CRADD: variants seen among roughly 807,000 people sequenced by gnomAD.
The protein encoded by CRADD is death domain-containing protein CRADD.
A neutral mutation model predicts 15.5 loss-of-function variants in CRADD; 9 were observed. That is an observed-to-expected ratio of 0.58 (90% CI 0.35 to 1.01). CRADD has a LOEUF of 1.01. CRADD is among the 50% of genes least tolerant of loss of function. The pLI is 0.02. For missense variants in CRADD, 227 were observed against 250.3 expected, an observed-to-expected ratio of 0.91 and a Z score of 0.63; for synonymous variants, 118 against 107.6, an observed-to-expected ratio of 1.10 and a Z score of -0.60.
At chr12:93,810,786 A>G (rs1025542412) in intron 2 of CRADD, among the ~76,000 whole-genome samples, 1 of 152,054 alleles carries the variant, frequency 6.6e-6, no homozygotes, top group Non-Finnish European at 1.5e-5. Flanking sequence ...CCCTCCCAGC[A>G]CTATCACTGC....
At chr12:93,825,684 A>G (rs923743031) in intron 2 of CRADD, among the ~76,000 whole-genome samples, 2 of 152,208 alleles carry the variant, frequency 1.3e-5, no homozygotes, top group Non-Finnish European at 2.9e-5. Flanking sequence ...GGCTAAGCCT[A>G]GGAGAAGCAC....
chr12:93,831,974 G>A (rs7137590), intron 2 of CRADD, among the ~76,000 whole-genome samples: 2,996 of 152,276 alleles, frequency 0.02, 102 homozygotes, highest in African/African-American at 0.069. Context: ...GGGTGATAGT[G>A]TATTTGCAGT....
In CRADD at chr12:93,850,627, A is replaced by C; in HGVS notation, c.*356A>C. The C allele has an allele frequency of 1.1e-6, 1 of 936,436 alleles. No individual in the cohort carries two copies. The highest frequency in any genetic ancestry group is 4.9e-5 in the South Asian group (1 of 20,226). The allele number at this position is 936,436 out of a possible 1,614,324, so 58.0% of individuals were successfully genotyped here. A position where few individuals can be genotyped will look rare whatever the true frequency, so the allele number is the denominator to read the frequency against. On this transcript the variant is annotated 3_prime_UTR_variant, in exon 3 of 3. Coordinates refer to ENST00000332896, the MANE Select transcript of CRADD (RefSeq NM_003805.5). The surrounding 1 kb of genome is among the most constrained non-coding windows in gnomAD (Gnocchi z 4.0). ...TATATATCTCATGTCATCACATTAC[A>C]GGCAGGTGTCTCATATGTAAAACAT... is the stretch of plus-strand genomic sequence containing the variant.
At chr12:93,827,107 G>A (rs1441369875) in intron 2 of CRADD, among the ~76,000 whole-genome samples, 2 of 152,132 alleles carry the variant, frequency 1.3e-5, no homozygotes, top group East Asian at 1.9e-4. Flanking sequence ...CAAGTTCTTA[G>A]TATGTAATTT....
At chr12:93,873,878 T>C (rs1958439384) in intron 2 of CRADD, among the ~76,000 whole-genome samples, 1 of 151,862 alleles carries the variant, frequency 6.6e-6, no homozygotes, top group Non-Finnish European at 1.5e-5. Context: ...TTTTTTGTTT[T>C]TCGTTGTGTG....
downstream of CRADD, among the ~76,000 whole-genome samples, chr12:93,851,825 A>C (rs556137696): frequency 6.6e-6 from 1 of 152,170 alleles, no homozygotes; most frequent in Non-Finnish European, 1.5e-5. Context: ...CATGTTTTTT[A>C]TTTCTCTCCA....
chr12:93,715,060 T>G (rs1024141858), intron 2 of CRADD, among the ~76,000 whole-genome samples: 2 of 145,432 alleles, frequency 1.4e-5, no homozygotes, highest in Non-Finnish European at 3.0e-5. Context: ...ATGTCCTTTT[T>G]TTATTAAAAA....
At chr12:93,709,598 C>CT (rs1263236080) in intron 2 of CRADD, among the ~76,000 whole-genome samples, 1 of 152,178 alleles carries the variant, frequency 6.6e-6, no homozygotes, top group African/African-American at 2.4e-5. Flanking sequence ...TGATCTTATT[C>CT]TTTTTTATGG....
At chr12:93,781,274 A>T (rs1957207263) in intron 2 of CRADD, among the ~76,000 whole-genome samples, 1 of 152,152 alleles carries the variant, frequency 6.6e-6, no homozygotes, top group East Asian at 1.9e-4. Context: ...AGACAATAAG[A>T]CAAAAAAATC....
chr12:93,713,656 T>TA (rs1374205563), intron 2 of CRADD, among the ~76,000 whole-genome samples: 4 of 152,164 alleles, frequency 2.6e-5, no homozygotes, highest in Non-Finnish European at 5.9e-5. Context: ...ATTGTTTATT[T>TA]AAAAAATATT....
At chr12:93,786,860 CT>C (rs777721175) in intron 2 of CRADD, among the ~76,000 whole-genome samples, 1 of 152,132 alleles carries the variant, frequency 6.6e-6, no homozygotes, top group Non-Finnish European at 1.5e-5. Flanking sequence ...CATAGAAAAT[CT>C]AATTTTGAAA....
rs149993993 is a variant in CRADD at position 93,746,917 on chromosome 12, G to T, written c.298+67845G>T. Among the ~76,000 whole-genome samples, 42 of 151,884 alleles carry T rather than the reference G, an allele frequency of 2.8e-4. 1 individual carries two copies. In the East Asian group the frequency reaches 4.8e-3, roughly 17 times the overall value. ...CAGTGAAACTGATGAATATTCACAC[G>T]CAGTGGATAAATAAAAACTATAAAT... On this transcript the variant is annotated intron_variant, in intron 2 of 2. Transcript: ENST00000332896.
intron 2 of CRADD, among the ~76,000 whole-genome samples, chr12:93,880,021 G>T (rs1329138446): frequency 6.6e-6 from 1 of 152,188 alleles, no homozygotes; most frequent in African/African-American, 2.4e-5. Context: ...ACAACAGATG[G>T]TGACTTGTCC....
intron 2 of CRADD, among the ~76,000 whole-genome samples, chr12:93,887,178 G>T (rs1439968372): frequency 6.6e-6 from 1 of 152,192 alleles, no homozygotes; most frequent in East Asian, 1.9e-4. Context: ...AATTACAATA[G>T]CTTACCCAAT....
rs533657519 is a variant in CRADD, at chr12:93,804,421, A to AG, written c.299-45545dup. On this transcript the variant is annotated intron_variant, in intron 2 of 2. Coordinates refer to ENST00000332896, the MANE Select transcript of CRADD (RefSeq NM_003805.5). Reference sequence around the variant, plus strand: ...ACCAGGTATATACCAGCTACATCTGAGGGGAAATTTTCCGTTTTCATCCAG... The same window carrying AG: ...ACCAGGTATATACCAGCTACATCTGAGGGGGAAATTTTCCGTTTTCATCCAG... Among the ~76,000 whole-genome samples the AG allele has an allele frequency of 3.4e-3, 517 of 152,288 alleles. 5 individuals carry two copies. Among genetic ancestry groups the AG allele is most frequent in the African/African-American group, 0.011 (471 of 41,576 alleles).
intron 2 of CRADD, among the ~76,000 whole-genome samples, chr12:93,886,597 G>A (rs1958539294): frequency 6.6e-6 from 1 of 152,180 alleles, no homozygotes; most frequent in Non-Finnish European, 1.5e-5. Context: ...GGCAGTTCAA[G>A]TAATGGGAGA....
At chr12:93,892,070 A>G (rs893035560) in intron 2 of CRADD, among the ~76,000 whole-genome samples, 3 of 152,116 alleles carry the variant, frequency 2.0e-5, no homozygotes, top group African/African-American at 7.2e-5. Context: ...GCAAAGGAGA[A>G]CAGAGCTCAG....
intron 2 of CRADD, among the ~76,000 whole-genome samples, chr12:93,813,444 A>G (rs1043825223): frequency 2.0e-5 from 3 of 152,252 alleles, no homozygotes; most frequent in African/African-American, 7.2e-5. Flanking sequence ...GAAAGTTGGG[A>G]CAGAAACTTC....
At chr12:93,825,494 TAGG>T (rs1957813701) in intron 2 of CRADD, among the ~76,000 whole-genome samples, 1 of 152,146 alleles carries the variant, frequency 6.6e-6, no homozygotes. Flanking sequence ...TTTAAAATGA[TAGG>T]AGGAGGGAGC....
Sources: gnomAD v4.1 joint callset for allele counts (sites outside exome capture counted in the v4.1 genomes callset) on GRCh38, gnomAD v4.1.1 for gene constraint, Gnocchi (gnomAD v3.1) non-coding constraint, MANE v1.5 for transcripts, NCBI Gene and HGNC (gene_info 2026-07-23, HGNC 2026-07-21) for gene names.